The following CCDC66 variants were observed in gnomAD, a reference collection of about 807,000 sequenced individuals.
CCDC66 encodes the protein coiled-coil domain containing 66, also known as coiled-coil domain-containing protein 66.
Under a neutral mutation model 128.3 loss-of-function variants are expected in CCDC66, and 133 were observed. The observed-to-expected ratio is 1.04, with a 90% CI of 0.90 to 1.20. CCDC66 has a LOEUF of 1.20. CCDC66 is among the 50% of genes most tolerant of loss of function. The pLI, the probability that CCDC66 is intolerant of heterozygous loss-of-function variation, is 0.00. For missense variants in CCDC66, 1,126 were observed against 1,075.5 expected (o/e 1.05, Z -0.66); for synonymous variants, 387 against 357.0 (o/e 1.08, Z -0.95).
At chr3:56,587,081 A>G (rs2069909065) in intron 7 of CCDC66, among the ~76,000 whole-genome samples, 1 of 151,900 alleles carries the variant, frequency 6.6e-6, no homozygotes, top group Non-Finnish European at 1.5e-5. Context: ...TACTATTTGT[A>G]TTGGTGGTTC....
intron 7 of CCDC66, among the ~76,000 whole-genome samples, chr3:56,589,415 C>G (rs763269843): frequency 4.0e-5 from 6 of 151,672 alleles, no homozygotes; most frequent in African/African-American, 1.5e-4. Context: ...AACCTGATAC[C>G]CAAAACTAAC....
At chr3:56,561,710 A>G (rs1194316128) in intron 3 of CCDC66, among the ~76,000 whole-genome samples, 1 of 152,196 alleles carries the variant, frequency 6.6e-6, no homozygotes, top group Non-Finnish European at 1.5e-5. Context: ...CACCAAAATC[A>G]GTAGTATTTT....
intron 1 of CCDC66, 120 bp downstream of exon 1, chr3:56,557,373 C>CTCTCGGCGGCGCAGGTTG: frequency 7.4e-7 from 1 of 1,343,672 alleles, no homozygotes; most frequent in Non-Finnish European, 1.0e-6. Context: ...CAACCTGCGC[C>CTCTCGGCGGCGCAGGTTG]GCCGAGAGGG....
chr3:56,608,409 G>A (rs924151686), intron 10 of CCDC66, among the ~76,000 whole-genome samples: 4 of 152,088 alleles, frequency 2.6e-5, no homozygotes, highest in Non-Finnish European at 5.9e-5. Context: ...TAGTTTATGT[G>A]TGTAAAGGTG....
chr3:56,561,900 A>G lies in CCDC66; in HGVS notation c.103-1784A>G, dbSNP rs146891954. Among the ~76,000 whole-genome samples, 1,419 of 151,570 alleles carry G rather than the reference A, an allele frequency of 9.4e-3. 30 individuals carry two copies. The highest frequency in any genetic ancestry group is 0.032 in the African/African-American group (1,310 of 41,292). On this transcript the variant is annotated intron_variant, in intron 3 of 17. Transcript: ENST00000394672. ...CTACAGGTCTCTTTTTTTTTCCCCC[A>G]TTTCCCACTGGTTGAATTATTGTAA...
chr3:56,584,104 C>T (rs1482378046), intron 7 of CCDC66, among the ~76,000 whole-genome samples: 25 of 136,370 alleles, frequency 1.8e-4, no homozygotes, highest in Non-Finnish European at 2.6e-4. Context: ...GCTGGCCGGG[C>T]GGGGGCTGCC....
chr3:56,592,869 C>G (rs2071173809), intron 7 of CCDC66, 101 bp from the exon 8 acceptor site: 1 of 1,176,008 alleles, frequency 8.5e-7, no homozygotes, highest in Non-Finnish European at 1.2e-6. Context: ...ATAAATGCCT[C>G]AGTGGATTAA....
chr3:56,566,399 A>G lies in CCDC66; in HGVS notation c.545-195A>G, dbSNP rs1250712580. Among the ~76,000 whole-genome samples the G allele has an allele frequency of 4.6e-5, 7 of 152,212 alleles. No individual in the cohort carries two copies. In the South Asian group the frequency reaches 6.2e-4, roughly 13 times the overall value. ...GTCAGCCTTCCAAAGTTCTGGGACT[A>G]CAGGTGTGAGCCACCACTCCCTGCT... On this transcript the variant is annotated intron_variant, in intron 4 of 17. Transcript: ENST00000394672.
intron 7 of CCDC66, 191 bp downstream of exon 7, chr3:56,571,493 T>C (rs759640947): frequency 2.6e-5 from 10 of 387,704 alleles, no homozygotes; most frequent in Non-Finnish European, 3.3e-5. Flanking sequence ...GCGATTCTCC[T>C]GCCTCAGCCT....
At position 56,601,072 on chromosome 3, in the gene CCDC66, C is replaced by T. The variant is rs2073076136; in HGVS notation, c.1404+7044C>T. On this transcript the variant is annotated intron_variant, in intron 10 of 17. Coordinates refer to ENST00000394672, the MANE Select transcript of CCDC66 (RefSeq NM_001141947.3). ...CATGCCTGTGTCCTGAATGATACTG[C>T]CTAGGTTTACTTCTAGGGTTTTTAT... 1.3e-5 allele frequency among the ~76,000 whole-genome samples: 2 copies of T among 152,028 alleles called. 1 individual carries two copies. The highest frequency in any genetic ancestry group is 4.8e-5 in the African/African-American group (2 of 41,314).
intron 10 of CCDC66, among the ~76,000 whole-genome samples, chr3:56,595,940 G>C (rs1275133782): frequency 6.6e-6 from 1 of 152,138 alleles, no homozygotes; most frequent in African/African-American, 2.4e-5. Flanking sequence ...TTTGAGACAG[G>C]GTCTTGCTCT....
chr3:56,570,358 A>G (rs1027798015), intron 6 of CCDC66: 2 of 152,228 alleles, frequency 1.3e-5, no homozygotes, highest in African/African-American at 4.8e-5. Flanking sequence ...AAGAAATAAT[A>G]GCTAACATTC....
At chr3:56,619,179 G>A (rs2075993167) in intron 15 of CCDC66, 92 bp from the exon 16 acceptor site, 2 of 1,086,990 alleles carry the variant, frequency 1.8e-6, no homozygotes, top group African/African-American at 1.6e-5. Flanking sequence ...GGGCAACAGA[G>A]CGAGACTTCA....
chr3:56,610,168 T>G (rs1488958530), intron 10 of CCDC66, among the ~76,000 whole-genome samples: 5 of 152,220 alleles, frequency 3.3e-5, no homozygotes, highest in African/African-American at 1.2e-4. Context: ...CTAAATATGT[T>G]TTGCAAGCTT....
chr3:56,588,253 G>T (rs62255981), intron 7 of CCDC66, among the ~76,000 whole-genome samples: 9,651 of 152,268 alleles, frequency 0.063, 352 homozygotes, highest in South Asian at 0.11. Context: ...GCTAAGCTAT[G>T]AGGATGCAAA....
intron 7 of CCDC66, among the ~76,000 whole-genome samples, chr3:56,592,525 A>AT (rs11386043): frequency 0.69 from 97,541 of 142,004 alleles, 33,588 homozygotes; most frequent in Middle Eastern, 0.74. Flanking sequence ...CAGCTGGCTA[A>AT]TTTTTTTTTT....
At chr3:56,593,825 G>T in intron 9 of CCDC66, 84 bp downstream of exon 9, 2 of 1,584,568 alleles carry the variant, frequency 1.3e-6, no homozygotes, top group Non-Finnish European at 1.7e-6. Context: ...ATTGGTTTCA[G>T]GTTTGGTATT....
rs1308222956 is a variant in CCDC66 at position 56,564,044 on chromosome 3, G to A, written c.463G>A (p.Asp155Asn). The A allele has an allele frequency of 1.1e-5, 17 of 1,613,820 alleles. No individual in the cohort carries two copies. Among genetic ancestry groups the A allele is most frequent in the Non-Finnish European group, 1.4e-5 (17 of 1,179,946 alleles). Residue 155 changes from aspartate (D) to asparagine (N), a missense_variant, in exon 4 of 18, where the codon GAC becomes AAC. Physicochemically the swap from Asp to Asn is conservative, Grantham distance 23 (BLOSUM62 1). Transcript: ENST00000394672. ...GAGCAGTTTGGTGTGTCTAACACAAGACCAACTACAACAGATTTTGATGAC... is the reference window on the plus strand; with the variant it reads ...GAGCAGTTTGGTGTGTCTAACACAAAACCAACTACAACAGATTTTGATGAC... ...MKSSLVCLTQDQLQQILMTVN... is the reference protein window; with the variant it reads ...MKSSLVCLTQNQLQQILMTVN...
rs1469840396 is a variant in CCDC66, at chr3:56,560,807, G to A, written c.102+1213G>A. 6 of 435,898 alleles carry A rather than the reference G, an allele frequency of 1.4e-5. 1 individual carries two copies. The East Asian group carries it at 2.8e-4, about 20-fold the overall frequency. 27.0% of individuals were successfully genotyped at this position (435,898 alleles called of 1,614,324 possible). On this transcript the variant is annotated intron_variant, in intron 3 of 17. Coordinates refer to ENST00000394672, the MANE Select transcript of CCDC66 (RefSeq NM_001141947.3). ...TTTTTTAATTTTTAGATTAATATCA[G>A]TAGGAATTTCTCTTCTCTTCCATAA...
Sources: gnomAD v4.1 joint callset for allele counts (sites outside exome capture counted in the v4.1 genomes callset) on GRCh38, gnomAD v4.1.1 for gene constraint, MANE v1.5 for transcripts, NCBI Gene and HGNC (gene_info 2026-07-23, HGNC 2026-07-21) for gene names.